Variants in BMPR1A observed in about 807,000 individuals in gnomAD.
BMPR1A encodes the protein bone morphogenetic protein receptor type-1A.
In BMPR1A, 7 loss-of-function variants were observed where a neutral mutation model predicts 66.0. The observed-to-expected ratio is 0.11, with a 90% CI of 0.06 to 0.20. The LOEUF is 0.20. Ranked by LOEUF, BMPR1A falls within the 10% of genes least tolerant of loss-of-function variation. The pLI, the probability that BMPR1A is intolerant of heterozygous loss-of-function variation, is 1.00. For synonymous variants in BMPR1A, 200 were observed against 229.7 expected (o/e 0.87, Z 1.17); for missense variants, 408 against 669.1 (o/e 0.61, Z 4.31).
chr10:86,832,688 A>G (rs1381891494), intron 1 of BMPR1A, among the ~76,000 whole-genome samples: 4 of 152,062 alleles, frequency 2.6e-5, no homozygotes, highest in African/African-American at 4.8e-5. Flanking sequence ...GTATTTTTAC[A>G]TTGGCTTCTT....
At chr10:86,843,180 ACT>A (rs987479962) in intron 2 of BMPR1A, among the ~76,000 whole-genome samples, 183 of 152,296 alleles carry the variant, frequency 1.2e-3, no homozygotes, top group African/African-American at 4.3e-3. Flanking sequence ...TCCCCTATGT[ACT>A]ATACTCTTCA....
chr10:86,790,188 A>AAAAT (rs1564685490), intron 1 of BMPR1A, among the ~76,000 whole-genome samples: 7 of 20,268 alleles, frequency 3.5e-4, no homozygotes, highest in African/African-American at 6.4e-4. Context: ...AAAAAAAAAA[A>AAAAT]ATATATATAT....
chr10:86,823,747 C>T (rs1407814259), intron 1 of BMPR1A, among the ~76,000 whole-genome samples: 1 of 152,138 alleles, frequency 6.6e-6, no homozygotes, highest in Non-Finnish European at 1.5e-5. Flanking sequence ...TCCATGGGGC[C>T]ATGACCAGCC....
chr10:86,804,237 TCACA>T (rs1841852917), intron 1 of BMPR1A, among the ~76,000 whole-genome samples: 4 of 152,168 alleles, frequency 2.6e-5, no homozygotes, highest in African/African-American at 9.7e-5. Context: ...TAGTTTTGTA[TCACA>T]TAGTTTTCTT....
chr10:86,834,486 G>T (rs542241373), intron 1 of BMPR1A, among the ~76,000 whole-genome samples: 2 of 152,330 alleles, frequency 1.3e-5, no homozygotes, highest in East Asian at 3.9e-4. Flanking sequence ...TGCTATGATA[G>T]ATTTGTACAC....
chr10:86,910,631 C>G (rs1843467628), intron 7 of BMPR1A, among the ~76,000 whole-genome samples: 5 of 152,028 alleles, frequency 3.3e-5, no homozygotes. Context: ...GCCATATACC[C>G]TTTTGTGTCT....
intron 1 of BMPR1A, among the ~76,000 whole-genome samples, chr10:86,791,683 TCCTTCCTCCCTCCCTCCCTCCCTCCCTC>T (rs1841622594): frequency 1.1e-5 from 1 of 89,758 alleles, no homozygotes; most frequent in African/African-American, 4.7e-5. Flanking sequence ...CTTCTTTACT[TCCTTCCTCCCTCCCTCCCTCCCTCCCTC>T]CCTTCCTTCC....
At chr10:86,848,452 TTTG>T (rs1048574577) in intron 2 of BMPR1A, among the ~76,000 whole-genome samples, 4 of 152,148 alleles carry the variant, frequency 2.6e-5, no homozygotes, top group African/African-American at 9.7e-5. Flanking sequence ...GTATTATTTA[TTTG>T]TTCTTTATTT....
At position 86,777,163 on chromosome 10, in the gene BMPR1A, C is replaced by T. The variant is rs533831091; in HGVS notation, c.-268+20244C>T. Among the ~76,000 whole-genome samples the T allele has an allele frequency of 5.3e-5, 8 of 152,304 alleles. No homozygotes were observed. In the South Asian group the frequency reaches 1.4e-3, roughly 28 times the overall value. ...TGTTCAGTTGCAAATATTCTCAGTA[C>T]ACTTGCCCTCACTTGCTTCATTGCT... On this transcript the variant is annotated intron_variant, in intron 1 of 12. Transcript: ENST00000372037.
chr10:86,828,458 A>G (rs1842226054), intron 1 of BMPR1A, among the ~76,000 whole-genome samples: 1 of 152,190 alleles, frequency 6.6e-6, no homozygotes, highest in African/African-American at 2.4e-5. Flanking sequence ...AAAAACCACA[A>G]CACTCTTTTG....
intron 1 of BMPR1A, among the ~76,000 whole-genome samples, chr10:86,796,215 A>T (rs1003249709): frequency 6.6e-6 from 1 of 152,106 alleles, no homozygotes; most frequent in African/African-American, 2.4e-5. Context: ...TTAAGGAATT[A>T]AACAATTTTG....
intron 9 of BMPR1A, 85 bp downstream of exon 9, chr10:86,917,411 G>A (rs985906515): frequency 6.7e-7 from 1 of 1,494,110 alleles, no homozygotes; most frequent in African/African-American, 1.4e-5. Context: ...CTTTGAAAAT[G>A]TGTGAGTTCA....
intron 1 of BMPR1A, among the ~76,000 whole-genome samples, chr10:86,801,390 C>G (rs1381257665): frequency 6.6e-6 from 1 of 152,216 alleles, no homozygotes; most frequent in African/African-American, 2.4e-5. Flanking sequence ...ATCCACCCAC[C>G]TTGGTCTCTG....
Position 86,918,435 on chromosome 10 carries a change from G to T in BMPR1A, c.869-737G>T, listed in dbSNP as rs551308948. On this transcript the variant is annotated intron_variant, in intron 9 of 12. Coordinates refer to ENST00000372037, the MANE Select transcript of BMPR1A (RefSeq NM_004329.3). ...CAGACTGAAAAGGCAGCTGTGATGA[G>T]TCACTGATGGGCAAATGGGAGTTGG... is the stretch of plus-strand genomic sequence containing the variant. Among the ~76,000 whole-genome samples, 3 of 152,252 alleles carry T rather than the reference G, an allele frequency of 2.0e-5. No homozygotes were observed. The South Asian group carries it at 6.2e-4, about 32-fold the overall frequency.
At chr10:86,875,008 G>A (rs999558126) in intron 2 of BMPR1A, among the ~76,000 whole-genome samples, 4 of 151,940 alleles carry the variant, frequency 2.6e-5, no homozygotes, top group South Asian at 4.2e-4. Flanking sequence ...GGGATTACAG[G>A]TGTGAGCCAC....
At chr10:86,830,308 G>A (rs1201296892) in intron 1 of BMPR1A, among the ~76,000 whole-genome samples, 1 of 152,172 alleles carries the variant, frequency 6.6e-6, no homozygotes, top group African/African-American at 2.4e-5. Context: ...GCTAAAACAG[G>A]AATTTACAAG....
intron 1 of BMPR1A, among the ~76,000 whole-genome samples, chr10:86,786,201 T>C (rs1001042647): frequency 1.3e-5 from 2 of 152,180 alleles, no homozygotes; most frequent in Non-Finnish European, 2.9e-5. Flanking sequence ...CTCTACACTC[T>C]GCAGGGTCAT....
chr10:86,774,628 G>A (rs910064531), intron 1 of BMPR1A, among the ~76,000 whole-genome samples: 14 of 152,194 alleles, frequency 9.2e-5, no homozygotes, highest in Non-Finnish European at 2.9e-5. Context: ...ATCAGACAAG[G>A]ATGGACCAGA....
rs74153416 is a variant in BMPR1A at position 86,842,238 on chromosome 10, G to T, written c.-153+3259G>T. Among the ~76,000 whole-genome samples the T allele has an allele frequency of 4.1e-3, 621 of 152,280 alleles. 3 individuals are homozygous for T. The highest frequency in any genetic ancestry group is 0.01 in the Middle Eastern group (3 of 294). ...GAGGTTCCAGCTGGTGTCTGATGCA[G>T]AATTGTCTGCTTGCTTGTTGATGGG... is the stretch of plus-strand genomic sequence containing the variant. On this transcript the variant is annotated intron_variant, in intron 2 of 12. Transcript: ENST00000372037.
Sources: gnomAD v4.1 joint callset for allele counts (sites outside exome capture counted in the v4.1 genomes callset) on GRCh38, gnomAD v4.1.1 for gene constraint, MANE v1.5 for transcripts, NCBI Gene and HGNC (gene_info 2026-07-23, HGNC 2026-07-21) for gene names.